The following CNTN3 variants were observed in gnomAD, a reference collection of about 807,000 sequenced individuals.
CNTN3 encodes the protein contactin-3.
In CNTN3, 60 loss-of-function variants were observed where a neutral mutation model predicts 119.1. That is an observed-to-expected ratio of 0.50 (90% CI 0.41 to 0.62). The LOEUF (loss-of-function observed/expected upper bound fraction) is 0.62, where lower values mean the gene tolerates loss of function less well. Among genes scored for constraint, CNTN3 ranks in the 20% least tolerant of loss-of-function variants. The pLI is 0.00. For missense variants in CNTN3, 1,101 were observed against 1,242.4 expected (o/e 0.89, Z 1.71); for synonymous variants, 450 against 438.7 (o/e 1.03, Z -0.32).
Position 74,614,594 on chromosome 3 carries a change from C to T in CNTN3, c.-284G>A, listed in dbSNP as rs1166859716. 6.7e-6 allele frequency among the ~76,000 whole-genome samples: 1 copy of T among 149,010 alleles called. No individual in the cohort carries two copies. Among genetic ancestry groups the T allele is most frequent in the Non-Finnish European group, 1.5e-5 (1 of 66,866 alleles). On this transcript the variant is annotated 5_prime_UTR_variant, in exon 1 of 23. Coordinates refer to ENST00000263665, the MANE Select transcript of CNTN3 (RefSeq NM_020872.3). Reference sequence around the variant, plus strand: ...CAGTCCACGGCGCCAGCCCGCCCGCCGCTGCCACCGCCGCCGCCGCCAAGC... The same window carrying T: ...CAGTCCACGGCGCCAGCCCGCCCGCTGCTGCCACCGCCGCCGCCGCCAAGC...
At chr3:74,412,081 T>C (rs915534241) in intron 5 of CNTN3, among the ~76,000 whole-genome samples, 5 of 152,220 alleles carry the variant, frequency 3.3e-5, no homozygotes, top group Admixed American at 6.5e-5. Flanking sequence ...TGCTTAGTTA[T>C]GGTGTTTACT....
At chr3:74,391,560 T>C (rs1016754437) in intron 5 of CNTN3, among the ~76,000 whole-genome samples, 18 of 67,840 alleles carry the variant, frequency 2.7e-4, no homozygotes. Flanking sequence ...ATAGTTTCTT[T>C]TTTTTTTTTT....
intron 1 of CNTN3, among the ~76,000 whole-genome samples, chr3:74,527,613 A>T (rs1403514137): frequency 1.3e-5 from 2 of 151,958 alleles, no homozygotes; most frequent in Non-Finnish European, 2.9e-5. Flanking sequence ...GACAAGACAC[A>T]GTTACCTAAT....
intron 4 of CNTN3, among the ~76,000 whole-genome samples, chr3:74,478,855 A>G (rs115890933): frequency 1.7e-3 from 264 of 152,280 alleles, no homozygotes; most frequent in African/African-American, 5.9e-3. Flanking sequence ...AAAACATAAA[A>G]GCAACTAACC....
chr3:74,521,031 C>T (rs1331836509), intron 2 of CNTN3, 27 bp downstream of exon 2: 1 of 1,493,438 alleles, frequency 6.7e-7, no homozygotes, highest in Non-Finnish European at 9.2e-7. Flanking sequence ...CTAACCTCAA[C>T]TTAGAAAATA....
Position 74,299,847 on chromosome 3 carries a change from AG to A in CNTN3, c.2166+20del. 1 of 1,595,474 alleles carries A rather than the reference AG, an allele frequency of 6.3e-7. No homozygotes were observed. The highest frequency in any genetic ancestry group is 8.6e-7 in the Non-Finnish European group (1 of 1,169,136). ...GGGAACAGCAAGACCCTGATGGGGA[AG>A]ATGCTGCCCAAACACTTACATCCCA... On this transcript the variant is annotated intron_variant, in intron 17 of 22. Coordinates refer to ENST00000263665, the MANE Select transcript of CNTN3 (RefSeq NM_020872.3).
At chr3:74,404,430 T>TTGAACATACCAAATCACTTCTA (rs1288201264) in intron 5 of CNTN3, among the ~76,000 whole-genome samples, 1 of 152,086 alleles carries the variant, frequency 6.6e-6, no homozygotes, top group Non-Finnish European at 1.5e-5. Context: ...TTCGGGCACT[T>TTGAACATACCAAATCACTTCTA]TGAACATACC....
At chr3:74,341,121 A>C (rs1316741053) in intron 11 of CNTN3, among the ~76,000 whole-genome samples, 2 of 152,334 alleles carry the variant, frequency 1.3e-5, no homozygotes, top group South Asian at 2.1e-4. Flanking sequence ...AACTCTATGT[A>C]TATTGTAAAA....
At chr3:74,449,789 T>A (rs184255448) in intron 4 of CNTN3, among the ~76,000 whole-genome samples, 1 of 152,104 alleles carries the variant, frequency 6.6e-6, no homozygotes, top group Non-Finnish European at 1.5e-5. Context: ...TCAGAATGAA[T>A]AGCTGAATAC....
intron 1 of CNTN3, among the ~76,000 whole-genome samples, chr3:74,607,119 G>A (rs528668056): frequency 6.6e-6 from 1 of 152,254 alleles, no homozygotes; most frequent in South Asian, 2.1e-4. Context: ...CCTCGTATAT[G>A]CAAATGTGAA....
chr3:74,451,169 G>A (rs2106948649), intron 4 of CNTN3, among the ~76,000 whole-genome samples: 1 of 152,150 alleles, frequency 6.6e-6, no homozygotes, highest in Non-Finnish European at 1.5e-5. Context: ...ATCCTCTCCA[G>A]CACCTGTTGT....
chr3:74,556,783 T>C (rs1274065018), intron 1 of CNTN3, among the ~76,000 whole-genome samples: 1 of 152,210 alleles, frequency 6.6e-6, no homozygotes, highest in Non-Finnish European at 1.5e-5. Flanking sequence ...CAATTTCTCC[T>C]CATCCTTGTC....
chr3:74,294,412 C>T (rs1030886314), intron 19 of CNTN3, among the ~76,000 whole-genome samples: 1 of 152,230 alleles, frequency 6.6e-6, no homozygotes, highest in African/African-American at 2.4e-5. Context: ...CAAACAGGAA[C>T]CTTTGGCAGG....
rs538442173 is a variant in CNTN3, at chr3:74,264,161, A to G, written c.*240T>C. 17 of 310,956 alleles carry G rather than the reference A, an allele frequency of 5.5e-5. No individual in the cohort carries two copies. In the East Asian group the frequency reaches 6.3e-4, roughly 11 times the overall value. The allele number at this position is 310,956 out of a possible 1,614,324, so 19.3% of individuals were successfully genotyped here. ...TTAAACTCATAGTTTAAGAACATTT[A>G]TATCAAAAGTCTGAAGTATGTAATA... On this transcript the variant is annotated 3_prime_UTR_variant, in exon 23 of 23. Transcript: ENST00000263665.
chr3:74,370,024 A>C, intron 6 of CNTN3, 33 bp from the exon 7 acceptor site: 1 of 1,208,846 alleles, frequency 8.3e-7, no homozygotes, highest in Non-Finnish European at 1.2e-6. Flanking sequence ...TAATCGTTTC[A>C]ATATTTCCTT....
At chr3:74,544,800 A>G (rs1703891148) in intron 1 of CNTN3, among the ~76,000 whole-genome samples, 1 of 152,088 alleles carries the variant, frequency 6.6e-6, no homozygotes, top group African/African-American at 2.4e-5. Flanking sequence ...GGGTTTCACC[A>G]TGTTAGCCAG....
rs114951505 is a variant in CNTN3 at position 74,503,001 on chromosome 3, T to A, written c.56-3216A>T. 7.6e-3 allele frequency among the ~76,000 whole-genome samples: 1,152 copies of A among 152,290 alleles called. 14 individuals are homozygous for A. The highest frequency in any genetic ancestry group is 0.06 in the East Asian group (313 of 5,174). On this transcript the variant is annotated intron_variant, in intron 2 of 22. Coordinates refer to ENST00000263665, the MANE Select transcript of CNTN3 (RefSeq NM_020872.3). ...TGAATGAAACAATCCTCATAATAAC[T>A]CTATATGAGGCAGATACTATTTTAC...
At chr3:74,423,921 T>A (rs1471626973) in intron 5 of CNTN3, among the ~76,000 whole-genome samples, 1 of 152,162 alleles carries the variant, frequency 6.6e-6, no homozygotes, top group East Asian at 1.9e-4. Flanking sequence ...ACTCTTTGGG[T>A]GGAAAGGACT....
chr3:74,583,210 A>T (rs1704542545), intron 1 of CNTN3, among the ~76,000 whole-genome samples: 1 of 152,208 alleles, frequency 6.6e-6, no homozygotes, highest in Admixed American at 6.5e-5. Context: ...GATGTGGTTC[A>T]GAGTGTGACC....
Sources: allele counts gnomAD v4.1 joint callset (sites outside exome capture counted in the v4.1 genomes callset), GRCh38; gene constraint gnomAD v4.1.1; transcripts MANE v1.5; gene names NCBI Gene and HGNC (gene_info 2026-07-23, HGNC 2026-07-21).